The following KDM4C variants were observed in gnomAD, a reference collection of about 807,000 sequenced individuals.
The protein encoded by KDM4C is lysine demethylase 4C.
KDM4C carries 81 observed loss-of-function variants against 129.3 expected under a neutral mutation model. The observed-to-expected ratio is 0.63, with a 90% CI of 0.52 to 0.75. The LOEUF is 0.75. KDM4C is among the 30% of genes least tolerant of loss of function. KDM4C has a pLI of 0.00. For missense variants in KDM4C, 1,457 were observed against 1,304.0 expected, an observed-to-expected ratio of 1.12 and a Z score of -1.81; for synonymous variants, 573 against 456.1, an observed-to-expected ratio of 1.26 and a Z score of -3.26.
chr9:6,887,913 T>A, intron 6 of KDM4C, 47 bp from the exon 7 acceptor site: 1 of 1,104,204 alleles, frequency 9.1e-7, no homozygotes, highest in Non-Finnish European at 1.4e-6. Context: ...ATTTGATATT[T>A]TCTCTTAATC....
intron 1 of KDM4C, among the ~76,000 whole-genome samples, chr9:6,760,953 A>T (rs543811634): frequency 6.6e-6 from 1 of 150,558 alleles, no homozygotes; most frequent in East Asian, 2.0e-4. Flanking sequence ...AGTTCTCTAA[A>T]GTGGGGCTTT....
chr9:6,879,355 G>C (rs1294505324), intron 5 of KDM4C, among the ~76,000 whole-genome samples: 1 of 152,070 alleles, frequency 6.6e-6, no homozygotes, highest in Non-Finnish European at 1.5e-5. Flanking sequence ...AACTAGAAAT[G>C]AGTATTTCTG....
At chr9:7,127,837 G>T in intron 18 of KDM4C, 1 of 390,546 alleles carries the variant, frequency 2.6e-6, no homozygotes, top group South Asian at 5.3e-5. Flanking sequence ...AAAACCAATG[G>T]ATGAACCTGG....
chr9:7,130,673 G>T (rs972495942), intron 19 of KDM4C, among the ~76,000 whole-genome samples: 18 of 152,230 alleles, frequency 1.2e-4, no homozygotes, highest in African/African-American at 4.1e-4. Flanking sequence ...TGCCCTGGAG[G>T]GGGGCAGGTA....
intron 15 of KDM4C, among the ~76,000 whole-genome samples, chr9:7,036,091 A>G (rs1452914506): frequency 4.5e-4 from 69 of 152,158 alleles, no homozygotes; most frequent in Non-Finnish European, 8.8e-5. Flanking sequence ...TGTCATTGTA[A>G]CAATGTTAAT....
chr9:6,826,425 C>T (rs551573597), intron 4 of KDM4C, among the ~76,000 whole-genome samples: 53 of 152,062 alleles, frequency 3.5e-4, no homozygotes, highest in African/African-American at 1.2e-3. Flanking sequence ...TGTATATTTC[C>T]TTCCATTTTT....
rs763537372 is a variant in KDM4C, at chr9:6,980,879, A to G, written c.922-46A>G. ...TCAAGGACCAACTCTGTGTTACTGT[A>G]TAGTTAGCGAAACGTTTAACACTCT... is the stretch of plus-strand genomic sequence containing the variant. On this transcript the variant is annotated intron_variant, in intron 8 of 21. Coordinates refer to ENST00000381309, the MANE Select transcript of KDM4C (RefSeq NM_015061.6). 1.8e-5 allele frequency: 27 copies of G among 1,540,046 alleles called. No homozygotes were observed. In the South Asian group the frequency reaches 1.9e-4, roughly 11 times the overall value.
intron 1 of KDM4C, among the ~76,000 whole-genome samples, chr9:6,729,292 G>C (rs1438044003): frequency 7.7e-6 from 1 of 129,954 alleles, no homozygotes. Flanking sequence ...TGCAATCCCA[G>C]TACTTTGGGA....
chr9:6,875,153 C>T (rs1182724112), intron 5 of KDM4C, among the ~76,000 whole-genome samples: 1 of 152,110 alleles, frequency 6.6e-6, no homozygotes, highest in Non-Finnish European at 1.5e-5. Flanking sequence ...CCAGGACTTC[C>T]ATCTTGGAGG....
At chr9:7,159,431 G>C (rs779553020) in intron 19 of KDM4C, among the ~76,000 whole-genome samples, 1 of 152,154 alleles carries the variant, frequency 6.6e-6, no homozygotes, top group Non-Finnish European at 1.5e-5. Flanking sequence ...TAGCATTGGT[G>C]GTCTTTACAA....
At chr9:6,754,880 T>TAAAAAA (rs58382779), upstream of KDM4C, among the ~76,000 whole-genome samples, 20 of 83,150 alleles carry the variant, frequency 2.4e-4, no homozygotes, top group South Asian at 3.8e-4. Context: ...TGTCTCAAAG[T>TAAAAAA]AAAAAAAAAA....
rs1182216143 is a variant in KDM4C, at chr9:6,989,939, TA to T, written c.1678-476del. Among the ~76,000 whole-genome samples the T allele has an allele frequency of 1.6e-4, 7 of 44,674 alleles. No individual in the cohort carries two copies. The East Asian group carries it at 3.5e-3, about 22-fold the overall frequency. The allele number at this position is 44,674 out of a possible 152,430, so 29.3% of individuals were successfully genotyped here. ...ACAGGCATATGCCTCTATACCTGGC[TA>T]TTTTTTTTTTTTTAAATTATTGACA... On this transcript the variant is annotated intron_variant, in intron 11 of 21. Coordinates refer to ENST00000381309, the MANE Select transcript of KDM4C (RefSeq NM_015061.6).
At chr9:6,950,322 A>G (rs1827905144) in intron 8 of KDM4C, among the ~76,000 whole-genome samples, 2 of 152,140 alleles carry the variant, frequency 1.3e-5, no homozygotes. Flanking sequence ...TTAAATAATC[A>G]TGGTAAGTAG....
In KDM4C at chr9:6,758,104, G is replaced by C; in HGVS notation, c.-117G>C. On this transcript the variant is annotated 5_prime_UTR_variant, in exon 1 of 22. Transcript: ENST00000381309. The surrounding 1 kb of genome is among the most constrained non-coding windows in gnomAD (Gnocchi z 4.6). The stretch of plus-strand genomic sequence containing the variant: ...CAGCGAACAGCTGTCACCTAGTGCG[G>C]AACAAGTCTCCCAAATTTCCCAAAT... 2 of 985,606 alleles carry C rather than the reference G, an allele frequency of 2.0e-6. No individual in the cohort carries two copies. Among genetic ancestry groups the C allele is most frequent in the Non-Finnish European group, 2.4e-6 (2 of 830,078 alleles). The allele number at this position is 985,606 out of a possible 1,614,324, so 61.1% of individuals were successfully genotyped here.
intron 2 of KDM4C, among the ~76,000 whole-genome samples, chr9:6,799,371 C>T (rs973877301): frequency 7.9e-5 from 12 of 152,268 alleles, no homozygotes; most frequent in South Asian, 4.1e-4. Flanking sequence ...GAGACCAGCC[C>T]GGCCAACACA....
intron 8 of KDM4C, among the ~76,000 whole-genome samples, chr9:6,945,124 A>G (rs932015176): frequency 6.6e-6 from 1 of 152,114 alleles, no homozygotes; most frequent in African/African-American, 2.4e-5. Context: ...TACTCACTGC[A>G]CGAACCCGTG....
At position 6,880,036 on chromosome 9, in the gene KDM4C, A is replaced by T; in HGVS notation, c.654A>T (p.Gly218=). Residue 218 remains glycine, a synonymous_variant, in exon 6 of 22, where the codon GGA becomes GGT. Transcript: ENST00000381309. The part of the protein sequence containing the change: ...KSWYAIPPEH[G]KRLERLAQGF... ...GGTATGCTATACCTCCGGAGCATGG[A>T]AAACGACTTGAAAGACTAGCTCAAG... 1 of 1,601,000 alleles carries T rather than the reference A, an allele frequency of 6.2e-7. No homozygotes were observed. The highest frequency in any genetic ancestry group is 1.1e-5 in the South Asian group (1 of 89,372).
At position 7,033,143 on chromosome 9, in the gene KDM4C, ATTTTTTT is replaced by A. The variant is rs539641712; in HGVS notation, c.2260-13708_2260-13702del. Among the ~76,000 whole-genome samples the A allele has an allele frequency of 2.1e-4, 29 of 137,298 alleles. 1 individual carries two copies. In the East Asian group the frequency reaches 6.2e-3, roughly 29 times the overall value. The allele number at this position is 137,298 out of a possible 152,430, so 90.1% of individuals were successfully genotyped here. A position where few individuals can be genotyped will look rare whatever the true frequency, so the allele number is the denominator to read the frequency against. On this transcript the variant is annotated intron_variant, in intron 15 of 21. Coordinates refer to ENST00000381309, the MANE Select transcript of KDM4C (RefSeq NM_015061.6). ...TTCCCTCTGATCTGTTTTATGCTGGATTTTTTTTTTTTTTTTTAATTCCACGGGATAC... is the reference window on the plus strand; with the variant it reads ...TTCCCTCTGATCTGTTTTATGCTGGATTTTTTTTTTAATTCCACGGGATAC...
chr9:6,759,194 G>T (rs1818897356), intron 1 of KDM4C, among the ~76,000 whole-genome samples: 1 of 152,114 alleles, frequency 6.6e-6, no homozygotes, highest in Non-Finnish European at 1.5e-5. Flanking sequence ...TTTTATCCTG[G>T]TGAAAGTTAC....
Sources: allele counts gnomAD v4.1 joint callset (sites outside exome capture counted in the v4.1 genomes callset), GRCh38; gene constraint gnomAD v4.1.1; non-coding constraint Gnocchi (gnomAD v3.1); transcripts MANE v1.5; gene names NCBI Gene and HGNC (gene_info 2026-07-23, HGNC 2026-07-21).